Variants in UGT2B7 observed in about 807,000 individuals in gnomAD.
UGT2B7 encodes the protein UDP glucuronosyltransferase family 2 member B7, also known as UDP-glucuronosyltransferase 2B7.
In UGT2B7, 51 loss-of-function variants were observed where a neutral mutation model predicts 51.9. The observed-to-expected ratio is 0.98, with a 90% CI of 0.78 to 1.24. The LOEUF (loss-of-function observed/expected upper bound fraction) is 1.24. UGT2B7 is among the 50% of genes most tolerant of loss of function. UGT2B7 has a pLI of 0.00. For synonymous variants in UGT2B7, 225 were observed against 211.6 expected, an observed-to-expected ratio of 1.06 and a Z score of -0.55; for missense variants, 727 against 628.4, an observed-to-expected ratio of 1.16 and a Z score of -1.68.
intron 1 of UGT2B7, among the ~76,000 whole-genome samples, chr4:69,056,949 A>G (rs951670785): frequency 9.2e-5 from 14 of 152,218 alleles, no homozygotes; most frequent in African/African-American, 3.4e-4. Context: ...GAAATCAAAG[A>G]CAGGCAGCCC....
At chr4:69,097,384 C>A in intron 1 of UGT2B7, 143 bp downstream of exon 1, 1 of 1,036,488 alleles carries the variant, frequency 9.6e-7, no homozygotes, top group Non-Finnish European at 1.3e-6. Context: ...ATCTATTAAT[C>A]TCACAAATAT....
intron 1 of UGT2B7, among the ~76,000 whole-genome samples, chr4:69,076,058 C>T (rs1490161660): frequency 6.6e-6 from 1 of 151,996 alleles, no homozygotes; most frequent in East Asian, 1.9e-4. Context: ...TGATAGTTTG[C>T]TGAGAATGAT....
chr4:69,086,120 G>A (rs1718949975), intron 1 of UGT2B7, among the ~76,000 whole-genome samples: 1 of 151,562 alleles, frequency 6.6e-6, no homozygotes, highest in African/African-American at 2.4e-5. Context: ...CATTTTTAAT[G>A]AAGACATTTA....
intron 1 of UGT2B7, among the ~76,000 whole-genome samples, chr4:69,074,637 CT>C (rs1161598655): frequency 5.3e-5 from 8 of 151,888 alleles, no homozygotes; most frequent in African/African-American, 1.9e-4. Flanking sequence ...TTAAAATTGC[CT>C]CTGCTGTAGT....
chr4:69,097,736 T>G (rs752828481), intron 1 of UGT2B7, among the ~76,000 whole-genome samples: 4 of 152,088 alleles, frequency 2.6e-5, no homozygotes, highest in Admixed American at 6.6e-5. Flanking sequence ...AGATAATGTC[T>G]ATACCTCAGA....
At chr4:69,098,401 A>G (rs1719309547) in intron 1 of UGT2B7, 139 bp from the exon 2 acceptor site, 1 of 880,606 alleles carries the variant, frequency 1.1e-6, no homozygotes, top group Non-Finnish European at 1.6e-6. Context: ...AATTATATCT[A>G]TATATGAATA....
At chr4:69,103,856 T>A (rs1719501908) in intron 3 of UGT2B7, among the ~76,000 whole-genome samples, 1 of 152,196 alleles carries the variant, frequency 6.6e-6, no homozygotes, top group South Asian at 2.1e-4. Flanking sequence ...TTGGCTCTGT[T>A]AGTAGTTATG....
At chr4:69,103,975 T>C (rs536978299) in intron 3 of UGT2B7, among the ~76,000 whole-genome samples, 1 of 152,174 alleles carries the variant, frequency 6.6e-6, no homozygotes, top group East Asian at 1.9e-4. Flanking sequence ...GGAGAATGAA[T>C]TCCAATCCTG....
At chr4:69,087,322 G>C (rs915056176) in intron 1 of UGT2B7, among the ~76,000 whole-genome samples, 10 of 151,884 alleles carry the variant, frequency 6.6e-5, no homozygotes, top group African/African-American at 2.4e-4. Flanking sequence ...ACAGAACTCT[G>C]TATTTTGACA....
intron 3 of UGT2B7, among the ~76,000 whole-genome samples, chr4:69,105,603 T>C (rs938175515): frequency 6.6e-6 from 1 of 152,042 alleles, no homozygotes; most frequent in African/African-American, 2.4e-5. Context: ...CAATTTTGAG[T>C]TTTTTCAACA....
upstream of UGT2B7, among the ~76,000 whole-genome samples, chr4:69,092,867 A>T (rs1179792058): frequency 2.0e-5 from 3 of 151,996 alleles, no homozygotes; most frequent in African/African-American, 7.2e-5. Context: ...TAGAAGTAAT[A>T]CATTTCTTAA....
chr4:69,085,913 T>C (rs1461212137), intron 1 of UGT2B7, among the ~76,000 whole-genome samples: 1 of 151,850 alleles, frequency 6.6e-6, no homozygotes, highest in Non-Finnish European at 1.5e-5. Flanking sequence ...TCATCTCTTT[T>C]TGTAGTTAAC....
chr4:69,078,609 T>G (rs1301125403), intron 1 of UGT2B7, among the ~76,000 whole-genome samples: 1 of 152,160 alleles, frequency 6.6e-6, no homozygotes, highest in Non-Finnish European at 1.5e-5. Flanking sequence ...TCTCCATGAC[T>G]GTGTGTATTT....
Position 69,096,515 on chromosome 4 carries a change from A to G in UGT2B7, c.-6A>G, listed in dbSNP as rs995324938. On this transcript the variant is annotated 5_prime_UTR_variant, in exon 1 of 6. Coordinates refer to ENST00000305231, the MANE Select transcript of UGT2B7 (RefSeq NM_001074.4). ...AACTGGAAAACAAGCATTGCATTGC[A>G]CCAGGATGTCTGTGAAATGGACTTC... The G allele has an allele frequency of 6.2e-7, 1 of 1,613,746 alleles. No homozygotes were observed. Among genetic ancestry groups the G allele is most frequent in the African/African-American group, 1.3e-5 (1 of 74,926 alleles).
chr4:69,096,620 A>G lies in UGT2B7; in HGVS notation c.100A>G (p.Ser34Gly). The change falls in exon 1 of 6, where the codon AGC becomes GGC. Residue 34 changes from serine to glycine, a missense_variant. Transcript: ENST00000305231. Reference sequence around the variant, plus strand: ...GGTGCTGGTGTGGGCAGCAGAATACAGCCATTGGATGAATATAAAGACAAT... The same window carrying G: ...GGTGCTGGTGTGGGCAGCAGAATACGGCCATTGGATGAATATAAAGACAAT... ...GKVLVWAAEY[S>G]HWMNIKTILD... 6.2e-7 allele frequency: 1 copy of G among 1,614,050 alleles called. No homozygotes were observed. Among genetic ancestry groups the G allele is most frequent in the African/African-American group, 1.3e-5 (1 of 75,042 alleles).
chr4:69,087,078 GTCTC>G lies in UGT2B7; in HGVS notation c.-158-2384_-158-2381del, dbSNP rs1042516443. Among the ~76,000 whole-genome samples, 722 of 144,602 alleles carry G rather than the reference GTCTC, an allele frequency of 5.0e-3. 2 individuals are homozygous for G. The highest frequency in any genetic ancestry group is 0.018 in the African/African-American group (696 of 39,392). 94.9% of individuals were successfully genotyped at this position (144,602 alleles called of 152,430 possible). On this transcript the variant is annotated intron_variant, in intron 1 of 5. Transcript: ENST00000502942. Reference sequence around the variant, plus strand: ...TCTCTCTTTCTCTCTCTCTCTCTCTGTCTCTCTCTCTCTGTGTCTTCCTTTCTCT... The same window carrying G: ...TCTCTCTTTCTCTCTCTCTCTCTCTGTCTCTCTCTGTGTCTTCCTTTCTCT...
chr4:69,057,363 A>G (rs1718228950), intron 1 of UGT2B7, among the ~76,000 whole-genome samples: 1 of 152,192 alleles, frequency 6.6e-6, no homozygotes, highest in Non-Finnish European at 1.5e-5. Context: ...CACTTGCATG[A>G]CTGTGCATTA....
intron 1 of UGT2B7, 145 bp downstream of exon 1, chr4:69,097,386 C>A: frequency 2.9e-6 from 3 of 1,025,252 alleles, no homozygotes; most frequent in African/African-American, 3.3e-5. Context: ...CTATTAATCT[C>A]ACAAATATTA....
intron 3 of UGT2B7, among the ~76,000 whole-genome samples, chr4:69,103,146 T>C (rs747113456): frequency 6.6e-6 from 1 of 152,038 alleles, no homozygotes; most frequent in Non-Finnish European, 1.5e-5. Flanking sequence ...CATTCCCCTA[T>C]GTAAATATGC....
Sources: allele counts gnomAD v4.1 joint callset (sites outside exome capture counted in the v4.1 genomes callset), GRCh38; gene constraint gnomAD v4.1.1; transcripts MANE v1.5; gene names NCBI Gene and HGNC (gene_info 2026-07-23, HGNC 2026-07-21).